CHD8: variants seen among roughly 807,000 people sequenced by gnomAD.
CHD8 encodes the protein ATP-dependent chromatin remodeler CHD8.
A neutral mutation model predicts 279.2 loss-of-function variants in CHD8; 31 were observed. The observed-to-expected ratio is 0.11, with a 90% CI of 0.08 to 0.15. The LOEUF (loss-of-function observed/expected upper bound fraction) is 0.15, where lower values mean the gene tolerates loss of function less well. Among genes scored for constraint, CHD8 ranks in the 10% least tolerant of loss-of-function variants. The pLI is 1.00. For missense variants in CHD8, 2,146 were observed against 3,230.5 expected, an observed-to-expected ratio of 0.66 and a Z score of 8.14; for synonymous variants, 1,081 against 1,139.6, an observed-to-expected ratio of 0.95 and a Z score of 1.04.
intron 11 of CHD8, among the ~76,000 whole-genome samples, chr14:21,409,265 T>C (rs890730296): frequency 1.3e-5 from 2 of 152,180 alleles, no homozygotes; most frequent in Non-Finnish European, 2.9e-5. Context: ...ACAGAGAACA[T>C]GTAAAAAAGT....
rs1888112732 is a variant in CHD8 at position 21,403,293 on chromosome 14, T to A, written c.3519-81A>T. 7.2e-7 allele frequency: 1 copy of A among 1,392,282 alleles called. No homozygotes were observed. The highest frequency in any genetic ancestry group is 1.4e-5 in the African/African-American group (1 of 69,680). 86.2% of individuals were successfully genotyped at this position (1,392,282 alleles called of 1,614,324 possible). A position where few individuals can be genotyped will look rare whatever the true frequency, so the allele number is the denominator to read the frequency against. On this transcript the variant is annotated intron_variant, in intron 17 of 37. Coordinates refer to ENST00000646647, the MANE Select transcript of CHD8 (RefSeq NM_001170629.2). The surrounding 1 kb of genome is among the most constrained non-coding windows in gnomAD (Gnocchi z 4.3). ...AACAGCAGGCTAGGATCAATACCAG[T>A]ACTCCCATATCAAAGCTGGTCAAAA...
intron 1 of CHD8, chr14:21,436,867 TGGGGTG>T (rs769317147): frequency 4.4e-6 from 3 of 684,962 alleles, no homozygotes; most frequent in Non-Finnish European, 5.4e-6. Flanking sequence ...AAAACGCGAC[TGGGGTG>T]GGGGTGGGGG....
chr14:21,453,614 C>G lies in CHD8; in HGVS notation c.-216+2418G>C, dbSNP rs1890309265. On this transcript the variant is annotated intron_variant, in intron 1 of 37. Transcript: ENST00000646647. Reference sequence around the variant, plus strand: ...AGATCAAGGACTGGCTCAAATCCAACTCCAGAAGTAGAGAGATTCTAGAGG... The same window carrying G: ...AGATCAAGGACTGGCTCAAATCCAAGTCCAGAAGTAGAGAGATTCTAGAGG... 1.3e-5 allele frequency among the ~76,000 whole-genome samples: 2 copies of G among 151,892 alleles called. 1 individual carries two copies. The highest frequency in any genetic ancestry group is 1.3e-4 in the Admixed American group (2 of 15,276).
chr14:21,394,865 C>T (rs766909072), intron 30 of CHD8, 47 bp downstream of exon 30: 2 of 1,579,984 alleles, frequency 1.3e-6, no homozygotes, highest in Admixed American at 1.7e-5. Flanking sequence ...AGTATAGGGA[C>T]CATAACTGAA....
intron 13 of CHD8, among the ~76,000 whole-genome samples, chr14:21,407,976 A>AC (rs916812545): frequency 3.3e-5 from 5 of 152,218 alleles, no homozygotes; most frequent in African/African-American, 1.2e-4. Flanking sequence ...AAATAAGCTC[A>AC]CCACCGCATG....
chr14:21,387,775 C>T (rs1308929136), intron 37 of CHD8, among the ~76,000 whole-genome samples: 1 of 144,424 alleles, frequency 6.9e-6, no homozygotes, highest in Non-Finnish European at 1.5e-5. Flanking sequence ...CACTGCACTC[C>T]AGCCTGGGTT....
chr14:21,395,826 T>G lies in CHD8; in HGVS notation c.5118A>C (p.Gln1706His). The G allele has an allele frequency of 6.2e-7, 1 of 1,601,164 alleles. No homozygotes were observed. The highest frequency in any genetic ancestry group is 1.1e-5 in the South Asian group (1 of 90,472). Residue 1706 changes from glutamine (Q) to histidine (H), a missense_variant, in exon 28 of 38, where the codon CAA (glutamine) becomes CAC (histidine). Coordinates refer to ENST00000646647, the MANE Select transcript of CHD8 (RefSeq NM_001170629.2). Reference sequence around the variant, plus strand: ...AATGAGAATTCCTTACCTCATCATCTTGGTCCTTTGGGGGACCTTGGAGTG... The same window carrying G: ...AATGAGAATTCCTTACCTCATCATCGTGGTCCTTTGGGGGACCTTGGAGTG... The part of the protein sequence containing the change: ...YKPLQGPPKD[Q>H]DDEGDPLMMM...
rs757188815 is a variant in CHD8, at chr14:21,400,210, G to A, written c.4668C>T (p.Asn1556=). 1.2e-6 allele frequency: 2 copies of A among 1,613,872 alleles called. No homozygotes were observed. The highest frequency in any genetic ancestry group is 1.1e-5 in the South Asian group (1 of 91,076). The change falls in exon 24 of 38, where the codon AAC becomes AAT. Residue 1556 remains asparagine, a synonymous_variant. Coordinates refer to ENST00000646647, the MANE Select transcript of CHD8 (RefSeq NM_001170629.2). The surrounding 1 kb of genome is among the most constrained non-coding windows in gnomAD (Gnocchi z 4.2). ...IHKADWIRKY[N]PDTLFQDESY... Reference sequence around the variant, plus strand: ...TTTCATCTTGGAACAAAGTGTCAGGGTTATATTTCCGGATCCAATCTGCCT... The same window carrying A: ...TTTCATCTTGGAACAAAGTGTCAGGATTATATTTCCGGATCCAATCTGCCT...
intron 26 of CHD8, 153 bp from the exon 27 acceptor site, chr14:21,398,105 A>T (rs1172997304): frequency 1.6e-6 from 1 of 610,820 alleles, no homozygotes; most frequent in African/African-American, 1.9e-5. Context: ...TGGGTTTATT[A>T]CTATATTTAA....
In CHD8 at chr14:21,431,535, G is replaced by A; in HGVS notation, c.109C>T (p.Leu37Phe). Residue 37 changes from leucine to phenylalanine, a missense_variant, in exon 2 of 38, where the codon CTT (leucine) becomes TTT (phenylalanine). This residue lies in a region of CHD8 where 302 missense variants were observed against 325.5 expected (regional missense o/e 0.93). Transcript: ENST00000646647. ...QVTQDPIEEA[L>F]GLPSSLDSLD... ...GAGTCCAGAGAGCTTGGCAGTCCAA[G>A]GGCTTCCTCAATGGGGTCTTGTGTG... The A allele has an allele frequency of 6.5e-7, 1 of 1,537,200 alleles. No homozygotes were observed.
intron 36 of CHD8, 34 bp downstream of exon 36, chr14:21,391,429 A>G: frequency 1.3e-6 from 2 of 1,597,578 alleles, no homozygotes; most frequent in Middle Eastern, 1.7e-4. Context: ...CAAAGGAATG[A>G]CTTTAAATCT....
chr14:21,393,795 G>A lies in CHD8; in HGVS notation c.6000C>T (p.Arg2000=), dbSNP rs1478991539. Residue 2000 remains arginine (R), a synonymous_variant, in exon 32 of 38, where the codon CGC becomes CGT. Transcript: ENST00000646647. ...GTGACTTTTCAACAGGAGCATCTGG[G>A]CGCAGGGGCAGTGGTGAGGCAGTGC... The part of the protein sequence containing the change: ...TSRTASPLPL[R]PDAPVEKSPE... 1.9e-6 allele frequency: 3 copies of A among 1,613,980 alleles called. No homozygotes were observed. The Admixed American group carries it at 5.0e-5, about 27-fold the overall frequency.
intron 1 of CHD8, among the ~76,000 whole-genome samples, chr14:21,449,076 A>T (rs920053348): frequency 5.3e-5 from 8 of 152,046 alleles, no homozygotes; most frequent in Non-Finnish European, 8.8e-5. Flanking sequence ...CGGGAGGCTG[A>T]GGCAGGAGAA....
At chr14:21,440,750 G>T (rs1357044310) in intron 1 of CHD8, among the ~76,000 whole-genome samples, 1 of 152,182 alleles carries the variant, frequency 6.6e-6, no homozygotes, top group Admixed American at 6.5e-5. Context: ...GGGCCAGAGC[G>T]TGGAGAGCCT....
intron 1 of CHD8, among the ~76,000 whole-genome samples, chr14:21,445,932 G>T (rs577559172): frequency 6.6e-6 from 1 of 151,146 alleles, no homozygotes; most frequent in African/African-American, 2.4e-5. Flanking sequence ...CCCAGGAGGT[G>T]AAGGTTGCAG....
At position 21,393,806 on chromosome 14, in the gene CHD8, G is replaced by A. The variant is rs1427443391; in HGVS notation, c.5989C>T (p.Leu1997=). ...QQYTSRTASP[L]PLRPDAPVEK... is the part of the protein sequence containing the mutation. ...ACAGGAGCATCTGGGCGCAGGGGCA[G>A]TGGTGAGGCAGTGCGTGAGGTATAC... is the stretch of plus-strand genomic sequence containing the variant. Residue 1997 remains leucine (L), a synonymous_variant, in exon 32 of 38, where the codon CTG becomes TTG. Coordinates refer to ENST00000646647, the MANE Select transcript of CHD8 (RefSeq NM_001170629.2). The A allele has an allele frequency of 6.2e-7, 1 of 1,614,012 alleles. No individual in the cohort carries two copies. Among genetic ancestry groups the A allele is most frequent in the Non-Finnish European group, 8.5e-7 (1 of 1,179,890 alleles).
At position 21,394,900 on chromosome 14, in the gene CHD8, G is replaced by T; in HGVS notation, c.5390+12C>A. The T allele has an allele frequency of 6.2e-7, 1 of 1,612,586 alleles. No homozygotes were observed. The highest frequency in any genetic ancestry group is 8.5e-7 in the Non-Finnish European group (1 of 1,178,678). On this transcript the variant is annotated intron_variant, in intron 30 of 37. Transcript: ENST00000646647. ...AAACACAGATCAGCACAAGTTCCCA[G>T]CTATATTTTACCGTTGTTGTTTCTC...
chr14:21,403,301 T>G lies in CHD8; in HGVS notation c.3519-89A>C, dbSNP rs1303262370. ...GCTAGGATCAATACCAGTACTCCCA[T>G]ATCAAAGCTGGTCAAAAACCCAAGT... On this transcript the variant is annotated intron_variant, in intron 17 of 37. Transcript: ENST00000646647. The surrounding 1 kb of genome is among the most constrained non-coding windows in gnomAD (Gnocchi z 4.3). 1.5e-6 allele frequency: 2 copies of G among 1,368,100 alleles called. No homozygotes were observed. The highest frequency in any genetic ancestry group is 2.0e-6 in the Non-Finnish European group (2 of 994,564). The allele number at this position is 1,368,100 out of a possible 1,614,324, so 84.7% of individuals were successfully genotyped here. A position where few individuals can be genotyped will look rare whatever the true frequency, so the allele number is the denominator to read the frequency against.
At position 21,400,570 on chromosome 14, in the gene CHD8, C is replaced by T. The variant is rs777980228; in HGVS notation, c.4413G>A (p.Lys1471=). 1 of 1,600,998 alleles carries T rather than the reference C, an allele frequency of 6.2e-7. No individual in the cohort carries two copies. Among genetic ancestry groups the T allele is most frequent in the South Asian group, 1.1e-5 (1 of 88,232 alleles). The change falls in exon 23 of 38, where the codon AAG becomes AAA. Residue 1471 remains lysine, a synonymous_variant. Transcript: ENST00000646647. The surrounding 1 kb of genome is among the most constrained non-coding windows in gnomAD (Gnocchi z 4.2). ...WRDILSHGRF[K]RRMTERDVET... is the part of the protein sequence containing the mutation. ...CCACATCTCGTTCAGTCATACGTCG[C>T]TTGAAGCGTCCATGAGATAAAATAT...
Sources: gnomAD v4.1 joint callset for allele counts (sites outside exome capture counted in the v4.1 genomes callset) on GRCh38, gnomAD v4.1.1 for gene constraint, gnomAD v4.1.1 regional missense constraint, Gnocchi (gnomAD v3.1) non-coding constraint, MANE v1.5 for transcripts, NCBI Gene and HGNC (gene_info 2026-07-23, HGNC 2026-07-21) for gene names.